The following PSMG2 variants were observed in gnomAD, a reference collection of about 807,000 sequenced individuals.
PSMG2 encodes the protein proteasome assembly chaperone 2.
In PSMG2, 21 loss-of-function variants were observed where a neutral mutation model predicts 31.5. The observed-to-expected ratio is 0.67, with a 90% confidence interval of 0.47 to 0.96. The LOEUF is 0.96. Among genes scored for constraint, PSMG2 ranks in the 40% least tolerant of loss-of-function variants. The probability of loss-of-function intolerance (pLI) is 0.00; values close to 1 mark genes in which losing one functional copy is unlikely to be tolerated. For missense variants in PSMG2, 318 were observed against 321.2 expected, an observed-to-expected ratio of 0.99 and a Z score of 0.08; for synonymous variants, 120 against 110.4, an observed-to-expected ratio of 1.09 and a Z score of -0.54.
chr18:12,684,122 T>A (rs1014540520), intron 1 of PSMG2, among the ~76,000 whole-genome samples: 1 of 151,706 alleles, frequency 6.6e-6, no homozygotes, highest in Non-Finnish European at 1.5e-5. Context: ...CCTCATGGGT[T>A]CAAGTGATTC....
intron 1 of PSMG2, chr18:12,679,344 C>G (rs1180498876): frequency 1.3e-5 from 2 of 152,244 alleles, no homozygotes; most frequent in African/African-American, 2.4e-5. Flanking sequence ...TGGGGAGGAG[C>G]TTGGCCCCTC....
At chr18:12,706,481 T>C in intron 1 of PSMG2, 69 bp from the exon 2 acceptor site, 1 of 1,532,026 alleles carries the variant, frequency 6.5e-7, no homozygotes, top group Non-Finnish European at 9.0e-7. Context: ...AGGCAGACTC[T>C]GTTTCAAAAA....
At chr18:12,684,074 G>T (rs536398734) in intron 1 of PSMG2, among the ~76,000 whole-genome samples, 13 of 150,800 alleles carry the variant, frequency 8.6e-5, no homozygotes, top group African/African-American at 2.7e-4. Context: ...GTCCAGTTTG[G>T]AGTGCAGTGG....
intron 1 of PSMG2, among the ~76,000 whole-genome samples, chr18:12,688,886 G>A (rs955442650): frequency 6.6e-6 from 1 of 152,000 alleles, no homozygotes; most frequent in Non-Finnish European, 1.5e-5. Context: ...AGGCCGAGGC[G>A]GGCGGGTCAT....
At position 12,724,620 on chromosome 18, in the gene PSMG2, G is replaced by T. The variant is rs1416511172; in HGVS notation, c.702+1G>T. 7.5e-6 allele frequency: 12 copies of T among 1,597,706 alleles called. No individual in the cohort carries two copies. The highest frequency in any genetic ancestry group is 9.4e-6 in the Non-Finnish European group (11 of 1,173,698). On this transcript the variant is annotated splice_donor_variant, in intron 6 of 6. Coordinates refer to ENST00000317615, the MANE Select transcript of PSMG2 (RefSeq NM_020232.5). LOFTEE classifies it high-confidence loss of function. Reference sequence around the variant, plus strand: ...GTGGCTTCAGATACTCAAACCACTTGTAAGTTCTATTATAGCTTAAGCCTC... The same window carrying T: ...GTGGCTTCAGATACTCAAACCACTTTTAAGTTCTATTATAGCTTAAGCCTC...
chr18:12,692,476 C>A (rs1174499967), intron 1 of PSMG2, among the ~76,000 whole-genome samples: 1 of 152,164 alleles, frequency 6.6e-6, no homozygotes, highest in Admixed American at 6.6e-5. Context: ...TTCGGTCCTC[C>A]ATAGGGGCTT....
At position 12,677,763 on chromosome 18, in the gene PSMG2, C is replaced by T. The variant is rs541242157; in HGVS notation, c.-37+18990C>T. Among the ~76,000 whole-genome samples the T allele has an allele frequency of 7.2e-5, 11 of 152,214 alleles. No individual in the cohort carries two copies. In the South Asian group the frequency reaches 2.3e-3, roughly 32 times the overall value. On this transcript the variant is annotated intron_variant, in intron 1 of 6. Transcript: ENST00000585331. ...CATGAGCCATCAAGCCCAGCCTAAC[C>T]CAGGATTTTTTAAGGGGCAAATATG...
chr18:12,672,656 A>G (rs75334365), intron 1 of PSMG2: 132,768 of 979,974 alleles, frequency 0.14, 9,652 homozygotes, highest in African/African-American at 0.2. Context: ...ACAATTTATC[A>G]GTATCATAAC....
chr18:12,668,529 T>C (rs1200968905), intron 1 of PSMG2, among the ~76,000 whole-genome samples: 2 of 132,072 alleles, frequency 1.5e-5, no homozygotes, highest in East Asian at 2.3e-4. Context: ...ACCCAGGAGG[T>C]AGAGGTTGCA....
upstream of PSMG2, chr18:12,702,701 A>T (rs561440733): frequency 1.2e-6 from 1 of 827,904 alleles, no homozygotes; most frequent in African/African-American, 1.8e-5. Flanking sequence ...ACGCCGCGTC[A>T]GGCCGGGGGC....
At chr18:12,658,780 A>G (rs2038634716) in intron 1 of PSMG2, 1 of 327,608 alleles carries the variant, frequency 3.1e-6, no homozygotes, top group Admixed American at 4.1e-5. Context: ...CAGGGTAAGC[A>G]CCGTAAAGAC....
At chr18:12,700,097 C>T (rs1325893955), upstream of PSMG2, 3 of 383,346 alleles carry the variant, frequency 7.8e-6, no homozygotes, top group African/African-American at 2.1e-5. Flanking sequence ...AAACTGATCA[C>T]TCCTAAAATC....
intron 1 of PSMG2, among the ~76,000 whole-genome samples, chr18:12,677,458 CAAAAAAAAAAA>C (rs71174127): frequency 3.9e-4 from 21 of 53,942 alleles, no homozygotes; most frequent in East Asian, 2.6e-3. Context: ...GATTCCATCT[CAAAAAAAAAAA>C]AAAAAAAAAA....
chr18:12,697,403 C>T, intron 1 of PSMG2: 1 of 1,604,250 alleles, frequency 6.2e-7, no homozygotes, highest in Non-Finnish European at 8.5e-7. Flanking sequence ...ATTCTAGTTC[C>T]ATCACCTAGC....
intron 1 of PSMG2, chr18:12,685,309 C>G (rs1009237317): frequency 1.3e-5 from 2 of 151,982 alleles, no homozygotes; most frequent in African/African-American, 2.4e-5. Flanking sequence ...CTTATTTTCT[C>G]TTTTTTAAAG....
At chr18:12,702,321 G>A, upstream of PSMG2, 1 of 568,848 alleles carries the variant, frequency 1.8e-6, no homozygotes, top group Non-Finnish European at 3.1e-6. Context: ...AGACGAGGAC[G>A]CTCTCCTGCC....
intron 2 of PSMG2, 118 bp downstream of exon 2, chr18:12,706,839 G>A (rs1437855904): frequency 2.8e-6 from 3 of 1,056,534 alleles, no homozygotes; most frequent in Non-Finnish European, 4.0e-6. Context: ...ACTTTGTGTA[G>A]AGTTCACAAC....
chr18:12,668,597 C>CAAAAAAAAAAAAAAAAAAAAAAAAAAAAA (rs752216074), intron 1 of PSMG2, among the ~76,000 whole-genome samples: 3 of 72,836 alleles, frequency 4.1e-5, no homozygotes, highest in Non-Finnish European at 7.2e-5. Flanking sequence ...GATTCCATCT[C>CAAAAAAAAAAAAAAAAAAAAAAAAAAAAA]AAAAAAAAAA....
In PSMG2 at chr18:12,676,459, G is replaced by GAAAT. The variant is rs140220430; in HGVS notation, c.-37+17687_-37+17688insAATA. Among the ~76,000 whole-genome samples the GAAAT allele has an allele frequency of 1.1e-3, 171 of 151,436 alleles. 1 individual carries two copies. The highest frequency in any genetic ancestry group is 3.8e-3 in the African/African-American group (155 of 41,268). ...CCGGCTAATTTTTGTACTTTTTGTA[G>GAAAT]AGATAGGGTCTCACCACGTTGCCCA... On this transcript the variant is annotated intron_variant, in intron 1 of 6. Transcript: ENST00000585331.
Sources: allele counts gnomAD v4.1 joint callset (sites outside exome capture counted in the v4.1 genomes callset), GRCh38; gene constraint gnomAD v4.1.1; transcripts MANE v1.5; gene names NCBI Gene and HGNC (gene_info 2026-07-23, HGNC 2026-07-21).